Variants in WNT2B observed in about 807,000 individuals in gnomAD.
The protein encoded by WNT2B is Wnt family member 2B.
WNT2B carries 19 observed loss-of-function variants against 40.5 expected under a neutral mutation model. That is an observed-to-expected ratio of 0.47 (90% confidence interval 0.33 to 0.69). The LOEUF (loss-of-function observed/expected upper bound fraction) is 0.69, where lower values mean the gene tolerates loss of function less well. Ranked by LOEUF, WNT2B falls within the 30% of genes least tolerant of loss-of-function variation. The probability of loss-of-function intolerance (pLI) is 0.02; values close to 1 mark genes in which losing one functional copy is unlikely to be tolerated. For synonymous variants in WNT2B, 220 were observed against 211.9 expected (o/e 1.04, Z -0.33); for missense variants, 467 against 556.4 (o/e 0.84, Z 1.62).
At chr1:112,510,327 C>T (rs1245851488) in intron 1 of WNT2B, among the ~76,000 whole-genome samples, 1 of 152,218 alleles carries the variant, frequency 6.6e-6, no homozygotes, top group African/African-American at 2.4e-5. Context: ...GCTTTCCCTT[C>T]TTCCCCACCA....
At chr1:112,482,352 T>C (rs1346999045) in intron 1 of WNT2B, among the ~76,000 whole-genome samples, 1 of 152,030 alleles carries the variant, frequency 6.6e-6, no homozygotes, top group African/African-American at 2.4e-5. Context: ...TAAAAAAATT[T>C]TGAGACAGAG....
At chr1:112,496,603 T>C (rs564957405) in intron 1 of WNT2B, among the ~76,000 whole-genome samples, 1 of 124,342 alleles carries the variant, frequency 8.0e-6, no homozygotes, top group South Asian at 3.2e-4. Flanking sequence ...TTTTTCTTTT[T>C]TGTTTTTTTT....
chr1:112,484,470 T>A (rs1027436162), intron 1 of WNT2B, among the ~76,000 whole-genome samples: 4 of 150,912 alleles, frequency 2.7e-5, no homozygotes, highest in African/African-American at 9.7e-5. Flanking sequence ...AGAGACAAGG[T>A]TTCACTACAT....
At chr1:112,504,494 A>C (rs1309938906), upstream of WNT2B, among the ~76,000 whole-genome samples, 1 of 151,886 alleles carries the variant, frequency 6.6e-6, no homozygotes, top group Non-Finnish European at 1.5e-5. Flanking sequence ...CTCGCCTAAG[A>C]GCTCATAAAT....
chr1:112,528,924 AAAG>A lies in WNT2B; in HGVS notation c.*8419_*8421del, dbSNP rs1172418250. 6.6e-6 allele frequency: 1 copy of A among 152,214 alleles called. No homozygotes were observed. The highest frequency in any genetic ancestry group is 2.1e-4 in the South Asian group (1 of 4,834). The allele number at this position is 152,214 out of a possible 1,614,324, so 9.4% of individuals were successfully genotyped here. On this transcript the variant is annotated 3_prime_UTR_variant, in exon 5 of 5. Transcript: ENST00000369684. The stretch of plus-strand genomic sequence containing the variant: ...ACTACCAGGGGCTGAAGTAGCAGCC[AAAG>A]AAGGAGACAAATTCTAACTTCATGA...
intron 1 of WNT2B, among the ~76,000 whole-genome samples, chr1:112,476,621 A>G (rs1474364609): frequency 6.6e-6 from 1 of 152,212 alleles, no homozygotes; most frequent in Non-Finnish European, 1.5e-5. Context: ...CATCTCCTGG[A>G]CACAACCCAC....
rs1043202086 is a variant in WNT2B, at chr1:112,515,200, C to T, written c.403+106C>T. 1.1e-5 allele frequency: 14 copies of T among 1,304,136 alleles called. No individual in the cohort carries two copies. The highest frequency in any genetic ancestry group is 3.7e-4 in the Middle Eastern group (2 of 5,426). The allele number at this position is 1,304,136 out of a possible 1,614,324, so 80.8% of individuals were successfully genotyped here. A position where few individuals can be genotyped will look rare whatever the true frequency, so the allele number is the denominator to read the frequency against. ...CCCTCTCCTCTCCCACACACTGTTTCATCATCAGAGAAAGAACTGTGGGCA... is the reference window on the plus strand; with the variant it reads ...CCCTCTCCTCTCCCACACACTGTTTTATCATCAGAGAAAGAACTGTGGGCA... On this transcript the variant is annotated intron_variant, in intron 2 of 4. Transcript: ENST00000369684. This position sits in a 1 kb window ranked among gnomAD's most constrained non-coding sequence, Gnocchi z 4.4.
chr1:112,493,896 C>T (rs946271062), intron 1 of WNT2B, among the ~76,000 whole-genome samples: 12 of 150,768 alleles, frequency 8.0e-5, no homozygotes, highest in Admixed American at 6.0e-4. Flanking sequence ...GACAAAAACA[C>T]TACACCTAGG....
rs1252348936 is a variant in WNT2B at position 112,515,889 on chromosome 1, GA to G, written c.404-250del. On this transcript the variant is annotated intron_variant, in intron 2 of 4. Coordinates refer to ENST00000369684, the MANE Select transcript of WNT2B (RefSeq NM_024494.3). This position sits in a 1 kb window ranked among gnomAD's most constrained non-coding sequence, Gnocchi z 4.4. ...ACACAGGGAATTTGGCAGGAAACAA[GA>G]GTATAGGTCAGCTCAAAAGGTCAGA... Among the ~76,000 whole-genome samples the G allele has an allele frequency of 6.6e-6, 1 of 152,200 alleles. No homozygotes were observed. The highest frequency in any genetic ancestry group is 1.5e-5 in the Non-Finnish European group (1 of 68,030).
At chr1:112,502,050 C>T (rs1031700716) in intron 1 of WNT2B, among the ~76,000 whole-genome samples, 1 of 152,256 alleles carries the variant, frequency 6.6e-6, no homozygotes, top group African/African-American at 2.4e-5. Context: ...CGCCCGGAAT[C>T]TTGGCTAAAG....
At chr1:112,470,799 G>T (rs1650858023) in intron 1 of WNT2B, among the ~76,000 whole-genome samples, 1 of 151,900 alleles carries the variant, frequency 6.6e-6, no homozygotes, top group African/African-American at 2.4e-5. Flanking sequence ...GGAGGAAGGG[G>T]AGGCGGTGGG....
At chr1:112,485,030 T>G (rs1207928359) in intron 1 of WNT2B, among the ~76,000 whole-genome samples, 2 of 152,216 alleles carry the variant, frequency 1.3e-5, no homozygotes, top group Admixed American at 1.3e-4. Flanking sequence ...TCCAACAGGC[T>G]TTTTTGTAGA....
intron 1 of WNT2B, among the ~76,000 whole-genome samples, chr1:112,501,585 T>C (rs774425109): frequency 1.3e-5 from 2 of 152,192 alleles, no homozygotes; most frequent in Admixed American, 6.5e-5. Context: ...AATCGAAAAC[T>C]GTTTTGTTTT....
At chr1:112,479,129 G>T (rs1490324579) in intron 1 of WNT2B, among the ~76,000 whole-genome samples, 1 of 152,104 alleles carries the variant, frequency 6.6e-6, no homozygotes, top group Non-Finnish European at 1.5e-5. Context: ...GCTGAGGCAG[G>T]AGAATCGCTT....
Position 112,515,192 on chromosome 1 carries a change from C to A in WNT2B, c.403+98C>A. Reference sequence around the variant, plus strand: ...AAGATCTCCCCTCTCCTCTCCCACACACTGTTTCATCATCAGAGAAAGAAC... The same window carrying A: ...AAGATCTCCCCTCTCCTCTCCCACAAACTGTTTCATCATCAGAGAAAGAAC... On this transcript the variant is annotated intron_variant, in intron 2 of 4. Coordinates refer to ENST00000369684, the MANE Select transcript of WNT2B (RefSeq NM_024494.3). The surrounding 1 kb of genome is among the most constrained non-coding windows in gnomAD (Gnocchi z 4.4). 1 of 1,344,314 alleles carries A rather than the reference C, an allele frequency of 7.4e-7. No homozygotes were observed. Among genetic ancestry groups the A allele is most frequent in the Admixed American group, 2.0e-5 (1 of 49,788 alleles). 83.3% of individuals were successfully genotyped at this position (1,344,314 alleles called of 1,614,324 possible).
intron 1 of WNT2B, among the ~76,000 whole-genome samples, chr1:112,488,314 A>G (rs924881687): frequency 1.3e-5 from 2 of 151,800 alleles, no homozygotes; most frequent in Non-Finnish European, 2.9e-5. Context: ...ACAAACAACA[A>G]CAACAAAACA....
chr1:112,474,316 T>C (rs1454609203), intron 1 of WNT2B, among the ~76,000 whole-genome samples: 1 of 151,778 alleles, frequency 6.6e-6, no homozygotes, highest in Non-Finnish European at 1.5e-5. Flanking sequence ...TGACTGATTT[T>C]TTTTTGTATT....
chr1:112,480,017 TAA>T (rs978991117), intron 1 of WNT2B, among the ~76,000 whole-genome samples: 1 of 151,982 alleles, frequency 6.6e-6, no homozygotes, highest in Non-Finnish European at 1.5e-5. Flanking sequence ...CAGCTGAAGT[TAA>T]GTTGTTATCA....
intron 1 of WNT2B, among the ~76,000 whole-genome samples, chr1:112,498,283 T>G (rs1251107386): frequency 6.6e-6 from 1 of 152,060 alleles, no homozygotes; most frequent in Admixed American, 6.6e-5. Flanking sequence ...AGGCGGAGTC[T>G]CACTCTGTTG....
Sources: gnomAD v4.1 joint callset for allele counts (sites outside exome capture counted in the v4.1 genomes callset) on GRCh38, gnomAD v4.1.1 for gene constraint, Gnocchi (gnomAD v3.1) non-coding constraint, MANE v1.5 for transcripts, NCBI Gene and HGNC (gene_info 2026-07-23, HGNC 2026-07-21) for gene names.